SV2C: variants seen among roughly 807,000 people sequenced by gnomAD.
SV2C encodes solute carrier family 22 member B3.
Under a neutral mutation model 79.7 loss-of-function variants are expected in SV2C, and 49 were observed. That is an observed-to-expected ratio of 0.61 (90% CI 0.49 to 0.78). The LOEUF is 0.78. SV2C is among the 30% of genes least tolerant of loss of function. The pLI, the probability that SV2C is intolerant of heterozygous loss-of-function variation, is 0.00. For missense variants in SV2C, 833 were observed against 912.9 expected (o/e 0.91, Z 1.13); for synonymous variants, 334 against 333.2 (o/e 1.00, Z -0.03).
chr5:76,016,528 C>T, the SV2C span, among the ~76,000 whole-genome samples: 2 of 152,136 alleles, frequency 1.3e-5, no homozygotes, highest in Non-Finnish European at 2.9e-5. Flanking sequence ...CTTGAAACCT[C>T]TCAGTATCTT....
chr5:76,238,561 A>G (rs1174362820), intron 4 of SV2C, among the ~76,000 whole-genome samples: 1 of 152,214 alleles, frequency 6.6e-6, no homozygotes, highest in African/African-American at 2.4e-5. Context: ...TTAAGAGCGA[A>G]GCACGGAAAA....
the SV2C span, among the ~76,000 whole-genome samples, chr5:75,875,650 A>G: frequency 6.6e-6 from 1 of 151,952 alleles, no homozygotes; most frequent in Non-Finnish European, 1.5e-5. Context: ...AGCCTACAGA[A>G]TGAGAGAATT....
chr5:75,938,950 A>G, the SV2C span, among the ~76,000 whole-genome samples: 1 of 152,156 alleles, frequency 6.6e-6, no homozygotes, highest in African/African-American at 2.4e-5. Context: ...TGGAATTACA[A>G]CAATGGCAAA....
chr5:76,264,235 C>T (rs1320822676), intron 4 of SV2C, among the ~76,000 whole-genome samples: 1 of 151,722 alleles, frequency 6.6e-6, no homozygotes, highest in East Asian at 1.9e-4. Context: ...GCTATTGATA[C>T]TTGTGTATGC....
At chr5:76,285,891 A>C in intron 6 of SV2C, 21 bp downstream of exon 6, 1 of 1,600,814 alleles carries the variant, frequency 6.2e-7, no homozygotes, top group Non-Finnish European at 8.5e-7. Context: ...TCCCCAGAGA[A>C]TCCTCAACAC....
chr5:75,864,416 CAT>C, the SV2C span, among the ~76,000 whole-genome samples: 2 of 152,166 alleles, frequency 1.3e-5, no homozygotes, highest in Non-Finnish European at 2.9e-5. Flanking sequence ...GAAAAGCTGA[CAT>C]AGCCAAGGGG....
chr5:76,011,031 C>T, the SV2C span, among the ~76,000 whole-genome samples: 68,506 of 152,042 alleles, frequency 0.45, 17,470 homozygotes, highest in Middle Eastern at 0.6. Flanking sequence ...GGTAGGGCCC[C>T]TCTTCCACAC....
the SV2C span, among the ~76,000 whole-genome samples, chr5:75,865,536 C>T: frequency 6.6e-6 from 1 of 152,172 alleles, no homozygotes; most frequent in Non-Finnish European, 1.5e-5. Flanking sequence ...GAATCTTCCC[C>T]ATGGAAGAGC....
chr5:76,219,077 G>A (rs986473929), intron 4 of SV2C, among the ~76,000 whole-genome samples: 1 of 152,128 alleles, frequency 6.6e-6, no homozygotes, highest in African/African-American at 2.4e-5. Context: ...GTCAGGGCAG[G>A]CCTCACATGA....
At chr5:76,335,886 T>G (rs1235108079), downstream of SV2C, among the ~76,000 whole-genome samples, 1 of 152,246 alleles carries the variant, frequency 6.6e-6, no homozygotes, top group African/African-American at 2.4e-5. Flanking sequence ...CCCCTTTCTA[T>G]TCCACAAAAC....
intron 2 of SV2C, among the ~76,000 whole-genome samples, chr5:76,146,796 TTAAA>T (rs1471601233): frequency 3.0e-5 from 2 of 67,102 alleles, no homozygotes; most frequent in African/African-American, 1.6e-4. Context: ...GAGTTTTTTT[TTAAA>T]AAAAAAAAAA....
chr5:75,935,128 A>G, the SV2C span, among the ~76,000 whole-genome samples: 3 of 152,284 alleles, frequency 2.0e-5, no homozygotes, highest in East Asian at 3.9e-4. Flanking sequence ...TGATTTTCCA[A>G]TATGAAGTTA....
chr5:76,103,994 A>G (rs144494722), intron 1 of SV2C, among the ~76,000 whole-genome samples: 1 of 152,350 alleles, frequency 6.6e-6, no homozygotes, highest in Non-Finnish European at 1.5e-5. Flanking sequence ...TGAATCCAGA[A>G]ATGTATAAAA....
At chr5:75,849,970 C>T in the SV2C span, among the ~76,000 whole-genome samples, 1 of 151,910 alleles carries the variant, frequency 6.6e-6, no homozygotes, top group South Asian at 2.1e-4. Flanking sequence ...TTTATCATAA[C>T]TGCTTAGAAT....
intron 12 of SV2C, among the ~76,000 whole-genome samples, chr5:76,322,459 GC>G (rs201686764): frequency 0.013 from 1,942 of 152,282 alleles, 40 homozygotes; most frequent in African/African-American, 0.045. Context: ...TGGCCATACT[GC>G]CCAAAGTAAT....
At chr5:75,926,692 G>C in the SV2C span, among the ~76,000 whole-genome samples, 1 of 152,174 alleles carries the variant, frequency 6.6e-6, no homozygotes, top group South Asian at 2.1e-4. Context: ...ACAGGCTGAT[G>C]GGGGCCAGAC....
the SV2C span, among the ~76,000 whole-genome samples, chr5:75,984,571 C>A: frequency 8.1e-3 from 485 of 60,150 alleles, 4 homozygotes; most frequent in African/African-American, 0.019. Context: ...CTATCTATAT[C>A]TATCTATCTA....
chr5:75,939,142 C>T, the SV2C span, among the ~76,000 whole-genome samples: 32 of 152,156 alleles, frequency 2.1e-4, no homozygotes, highest in African/African-American at 7.7e-4. Context: ...TATACTCCAG[C>T]CCCAGCCTCC....
chr5:76,266,294 G>T (rs1490157364), intron 4 of SV2C, among the ~76,000 whole-genome samples: 1 of 152,044 alleles, frequency 6.6e-6, no homozygotes, highest in Non-Finnish European at 1.5e-5. Context: ...TGCAACCTCC[G>T]CCTCCCAGGA....
Sources: gnomAD v4.1 joint callset for allele counts (sites outside exome capture counted in the v4.1 genomes callset) on GRCh38, gnomAD v4.1.1 for gene constraint, MANE v1.5 for transcripts, NCBI Gene and HGNC (gene_info 2026-07-23, HGNC 2026-07-21) for gene names.